FAM9C: variants seen among roughly 807,000 people sequenced by gnomAD.
FAM9C encodes the protein protein FAM9C.
Under a neutral mutation model 14.8 loss-of-function variants are expected in FAM9C, and 15 were observed. That is an observed-to-expected ratio of 1.02 (90% CI 0.68 to 1.56). The LOEUF is 1.56. Among genes scored for constraint, FAM9C ranks in the 40% most tolerant of loss-of-function variants. FAM9C has a pLI of 0.00. For synonymous variants in FAM9C, 45 were observed against 37.5 expected (o/e 1.20, Z -0.74); for missense variants, 116 against 118.0 (o/e 0.98, Z 0.08).
Position 13,043,153 on chromosome X carries a change from A to T in FAM9C, c.157T>A (p.Phe53Ile). 8.3e-7 allele frequency: 1 copy of T among 1,209,872 alleles called. No individual in the cohort carries two copies. Among genetic ancestry groups the T allele is most frequent in the Non-Finnish European group, 1.1e-6 (1 of 894,928 alleles). ...CCCGTGTGTTCATCTGTTTCAGCAA[A>T]AGATCCTCTTTCCCCATGCTCATCA... ...VTDEHGERGS[F>I]AETDEHTGVD... Residue 53 changes from phenylalanine to isoleucine, a missense_variant, in exon 3 of 8, where the codon TTT (phenylalanine) becomes ATT (isoleucine). By Grantham distance (21) the Phe-to-Ile change is conservative. Transcript: ENST00000380625.
intron 4 of FAM9C, chrX:13,041,355 A>C (rs1205738728): frequency 3.6e-5 from 4 of 110,783 alleles, no homozygotes; most frequent in Admixed American, 2.9e-4. Flanking sequence ...TTATATTTTT[A>C]GTGGAGACGG....
intron 7 of FAM9C, chrX:13,037,743 G>A (rs1264508485): frequency 8.9e-6 from 1 of 112,827 alleles, no homozygotes; most frequent in Non-Finnish European, 1.9e-5. Context: ...GTCATTGTCC[G>A]ATGACAATTT....
At chrX:13,040,233 C>T in intron 5 of FAM9C, 1 of 643,154 alleles carries the variant, frequency 1.6e-6, no homozygotes, top group Non-Finnish European at 1.9e-6. Context: ...TACTAAATAA[C>T]ATATGCGTTC....
chrX:13,039,577 G>A (rs2043508244), intron 6 of FAM9C, among the ~76,000 whole-genome samples: 1 of 111,573 alleles, frequency 9.0e-6, no homozygotes, highest in Non-Finnish European at 1.9e-5. Context: ...AGCTGCTCTT[G>A]CACAAATATG....
rs2043474852 is a variant in FAM9C, at chrX:13,035,627, T to C, written c.*417A>G. The C allele has an allele frequency of 8.9e-6, 1 of 112,715 alleles. No individual in the cohort carries two copies. The highest frequency in any genetic ancestry group is 9.4e-5 in the Admixed American group (1 of 10,682). 9.3% of individuals were successfully genotyped at this position (112,715 alleles called of 1,213,427 possible). ...AATGCACAGATAAAATAAGGGTTTG[T>C]CTTCTTTTATTAGAGAAAAATGTAC... is the stretch of plus-strand genomic sequence containing the variant. On this transcript the variant is annotated 3_prime_UTR_variant, in exon 8 of 8. Coordinates refer to ENST00000380625, the MANE Select transcript of FAM9C (RefSeq NM_174901.6).
chrX:13,037,533 C>A (rs1328938314), intron 7 of FAM9C: 1 of 112,649 alleles, frequency 8.9e-6, no homozygotes, highest in African/African-American at 3.3e-5. Flanking sequence ...TATAAATAAC[C>A]GTTTTGTGTA....
In FAM9C at chrX:13,040,812, C is replaced by T. The variant is rs202046647; in HGVS notation, c.275G>A (p.Cys92Tyr). 1.7e-6 allele frequency: 2 copies of T among 1,193,908 alleles called. No individual in the cohort carries two copies. Among genetic ancestry groups the T allele is most frequent in the Non-Finnish European group, 2.3e-6 (2 of 887,477 alleles). Reference protein sequence around the residue: ...RKRIEKIAKACSEIKNRIKNV... With the variant: ...RKRIEKIAKAYSEIKNRIKNV... ...TTTAATTCTGTTCTTTATTTCGCTG[C>T]AAGCTTTTGCAATCTTTTCAATCCT... The change falls in exon 5 of 8, where the codon TGC (cysteine) becomes TAC (tyrosine). Residue 92 changes from cysteine (C) to tyrosine (Y), a missense_variant. Physicochemically the swap from Cys to Tyr is radical, Grantham distance 194 (BLOSUM62 -2). Transcript: ENST00000380625.
intron 6 of FAM9C, among the ~76,000 whole-genome samples, chrX:13,039,315 A>G (rs1022382839): frequency 7.2e-5 from 8 of 111,100 alleles, no homozygotes; most frequent in African/African-American, 2.3e-4. Flanking sequence ...CCCAACATAC[A>G]GCCACTACCT....
intron 4 of FAM9C, chrX:13,042,682 G>T (rs898626576): frequency 4.2e-5 from 18 of 424,496 alleles, no homozygotes; most frequent in African/African-American, 3.5e-4. Flanking sequence ...AAATTTCCAC[G>T]TGTATGAAAG....
chrX:13,044,044 G>A (rs758059615), intron 1 of FAM9C, among the ~76,000 whole-genome samples, 187 bp from the exon 2 acceptor site: 2 of 112,657 alleles, frequency 1.8e-5, no homozygotes, highest in South Asian at 7.2e-4. Flanking sequence ...TGCAGAGCTC[G>A]CAGAATTCCG....
intron 7 of FAM9C, chrX:13,037,262 T>G (rs2043487498): frequency 9.0e-6 from 1 of 111,242 alleles, no homozygotes; most frequent in Non-Finnish European, 1.9e-5. Context: ...GAAGAATGAG[T>G]TCTTGAACTA....
intron 6 of FAM9C, among the ~76,000 whole-genome samples, chrX:13,038,727 C>T (rs138885685): frequency 8.9e-6 from 1 of 112,285 alleles, no homozygotes; most frequent in Non-Finnish European, 1.9e-5. Context: ...ACATATTCAA[C>T]ACATACGTCT....
chrX:13,044,326 C>G (rs1165153478), intron 1 of FAM9C, among the ~76,000 whole-genome samples: 3 of 102,349 alleles, frequency 2.9e-5, no homozygotes, highest in Non-Finnish European at 4.1e-5. Context: ...CCCCGACCCC[C>G]CCCCAAACGC....
chrX:13,041,809 C>G (rs1056477272), intron 4 of FAM9C: 8 of 112,271 alleles, frequency 7.1e-5, no homozygotes, highest in African/African-American at 2.3e-4. Flanking sequence ...TGTAATACTG[C>G]AAGGAATGCT....
chrX:13,039,425 C>T (rs2043506867), intron 6 of FAM9C, among the ~76,000 whole-genome samples: 1 of 111,240 alleles, frequency 9.0e-6, no homozygotes, highest in African/African-American at 3.3e-5. Context: ...CAATGCCCCA[C>T]CCCCATGTGC....
At chrX:13,039,371 C>T (rs1428324439) in intron 6 of FAM9C, among the ~76,000 whole-genome samples, 1 of 111,034 alleles carries the variant, frequency 9.0e-6, no homozygotes, top group Non-Finnish European at 1.9e-5. Flanking sequence ...GCTCAGGAGT[C>T]TGTAGGGACC....
In FAM9C at chrX:13,035,864, A is replaced by G. The variant is rs1310066717; in HGVS notation, c.*180T>C. 5 of 112,205 alleles carry G rather than the reference A, an allele frequency of 4.5e-5. No homozygotes were observed. Among genetic ancestry groups the G allele is most frequent in the African/African-American group, 1.6e-4 (5 of 30,900 alleles). 9.2% of individuals were successfully genotyped at this position (112,205 alleles called of 1,213,427 possible). On this transcript the variant is annotated 3_prime_UTR_variant, in exon 8 of 8. Transcript: ENST00000380625. Reference sequence around the variant, plus strand: ...AACAGACTAATAATAGAAGAGATATACTAATTTATACAAGAATTAACTAAA... The same window carrying G: ...AACAGACTAATAATAGAAGAGATATGCTAATTTATACAAGAATTAACTAAA...
chrX:13,041,031 A>T (rs1344621741), intron 4 of FAM9C, 159 bp from the exon 5 acceptor site: 1 of 336,221 alleles, frequency 3.0e-6, no homozygotes. Flanking sequence ...TACTTACTTT[A>T]TGTAAAACCT....
intron 3 of FAM9C, 34 bp from the exon 4 acceptor site, chrX:13,042,983 A>G (rs1420810451): frequency 1.7e-6 from 2 of 1,174,439 alleles, no homozygotes; most frequent in African/African-American, 1.8e-5. Context: ...ATTTTAACAT[A>G]ATGCTACACA....
Sources: gnomAD v4.1 joint callset for allele counts (sites outside exome capture counted in the v4.1 genomes callset) on GRCh38, gnomAD v4.1.1 for gene constraint, MANE v1.5 for transcripts, NCBI Gene and HGNC (gene_info 2026-07-23, HGNC 2026-07-21) for gene names.